Variants in SLC13A1 observed in about 807,000 individuals in gnomAD.
SLC13A1 encodes the protein solute carrier family 13 member 1, also known as Na(+)/sulfate cotransporter.
Under a neutral mutation model 70.0 loss-of-function variants are expected in SLC13A1, and 65 were observed. That is an observed-to-expected ratio of 0.93 (90% CI 0.76 to 1.14). The LOEUF is 1.14. Among genes scored for constraint, SLC13A1 ranks in the 50% most tolerant of loss-of-function variants. SLC13A1 has a pLI of 0.00. For synonymous variants in SLC13A1, 275 were observed against 250.5 expected (o/e 1.10, Z -0.92); for missense variants, 726 against 717.8 (o/e 1.01, Z -0.13).
In SLC13A1 at chr7:123,162,269, G is replaced by T. The variant is rs544145387; in HGVS notation, c.660+6105C>A. Among the ~76,000 whole-genome samples the T allele has an allele frequency of 9.9e-5, 15 of 152,162 alleles. No homozygotes were observed. The East Asian group carries it at 2.5e-3, about 26-fold the overall frequency. On this transcript the variant is annotated intron_variant, in intron 6 of 14. Transcript: ENST00000194130. The stretch of plus-strand genomic sequence containing the variant: ...TAAAATAAAGATATATGGGAGAAAT[G>T]ATATTGTCAAAAGTCAATAGTTTCT...
chr7:123,168,243 C>T, intron 6 of SLC13A1, 131 bp downstream of exon 6: 1 of 612,250 alleles, frequency 1.6e-6, no homozygotes, highest in Non-Finnish European at 2.9e-6. Flanking sequence ...TTACACCATG[C>T]TACTGCTTAG....
intron 1 of SLC13A1, among the ~76,000 whole-genome samples, chr7:123,183,667 A>G (rs1267306463): frequency 6.6e-6 from 1 of 152,204 alleles, no homozygotes; most frequent in Non-Finnish European, 1.5e-5. Flanking sequence ...AATGTAGGAC[A>G]TCAAGCCCTT....
chr7:123,129,609 C>T (rs1793687560), intron 8 of SLC13A1, 128 bp from the exon 9 acceptor site: 1 of 667,934 alleles, frequency 1.5e-6, no homozygotes, highest in Non-Finnish European at 2.7e-6. Flanking sequence ...TATGAATCTC[C>T]CCGTTAATAA....
intron 13 of SLC13A1, 61 bp downstream of exon 13, chr7:123,119,020 C>T: frequency 7.0e-7 from 1 of 1,434,112 alleles, no homozygotes; most frequent in Non-Finnish European, 9.5e-7. Context: ...TGAAAACCAG[C>T]ATTCCGAAGC....
chr7:123,171,950 A>G (rs1296116118), intron 2 of SLC13A1, 46 bp from the exon 3 acceptor site: 3 of 1,573,026 alleles, frequency 1.9e-6, no homozygotes, highest in African/African-American at 1.4e-5. Context: ...GGTGGGGAAA[A>G]ATAACATTGC....
chr7:123,119,269 T>G (rs1793292075), intron 12 of SLC13A1, 27 bp from the exon 13 acceptor site: 1 of 1,467,982 alleles, frequency 6.8e-7, no homozygotes. Flanking sequence ...CAATATTTGT[T>G]ACTCATGAAT....
In SLC13A1 at chr7:123,166,397, A is replaced by AT. The variant is rs58324094; in HGVS notation, c.660+1976dup. On this transcript the variant is annotated intron_variant, in intron 6 of 14. Coordinates refer to ENST00000194130, the MANE Select transcript of SLC13A1 (RefSeq NM_022444.4). ...AACAGCTTTTAAAGCCCATTTCTTT[A>AT]TTTTTTTTTATTATACTTTAAGTTT... Among the ~76,000 whole-genome samples, 1,175 of 151,592 alleles carry AT rather than the reference A, an allele frequency of 7.8e-3. 14 individuals are homozygous for AT. The highest frequency in any genetic ancestry group is 0.027 in the African/African-American group (1,114 of 41,260).
chr7:123,117,486 C>T lies in SLC13A1; in HGVS notation c.1635G>A (p.Leu545=). 1.9e-6 allele frequency: 3 copies of T among 1,613,080 alleles called. No individual in the cohort carries two copies. The highest frequency in any genetic ancestry group is 2.5e-6 in the Non-Finnish European group (3 of 1,179,476). ...GCTAACTCACCATGTCAATGACTTT[C>T]AGATGACCATATGAAAAGACAATAG... ...PNAIVFSYGH[L]KVIDMVKAGL... The change falls in exon 14 of 15, where the codon CTG becomes CTA. Residue 545 remains leucine (L), a synonymous_variant. Coordinates refer to ENST00000194130, the MANE Select transcript of SLC13A1 (RefSeq NM_022444.4).
intron 6 of SLC13A1, among the ~76,000 whole-genome samples, chr7:123,162,793 T>C (rs1021731739): frequency 1.3e-5 from 2 of 152,226 alleles, no homozygotes; most frequent in Non-Finnish European, 2.9e-5. Flanking sequence ...AAAAGTGTTG[T>C]CTTGTACAAT....
chr7:123,178,313 T>C (rs1396927803), intron 2 of SLC13A1, among the ~76,000 whole-genome samples: 1 of 151,968 alleles, frequency 6.6e-6, no homozygotes, highest in Non-Finnish European at 1.5e-5. Context: ...AAGAGAGAGG[T>C]GTTTAGGGCT....
intron 7 of SLC13A1, among the ~76,000 whole-genome samples, chr7:123,146,752 C>T (rs1036606521): frequency 1.3e-5 from 2 of 152,144 alleles, no homozygotes; most frequent in African/African-American, 4.8e-5. Context: ...CCAAGCCTTC[C>T]AAAATTAATA....
intron 2 of SLC13A1, among the ~76,000 whole-genome samples, chr7:123,178,413 T>A (rs184683474): frequency 6.6e-6 from 1 of 152,230 alleles, no homozygotes; most frequent in Non-Finnish European, 1.5e-5. Flanking sequence ...GGAATTATAG[T>A]TTAAAACTCT....
chr7:123,177,833 A>G (rs970014119), intron 2 of SLC13A1, among the ~76,000 whole-genome samples: 21 of 152,110 alleles, frequency 1.4e-4, no homozygotes, highest in African/African-American at 4.8e-4. Context: ...CTAGCTCACT[A>G]TACTGTATAA....
At chr7:123,130,304 G>A (rs1016151632) in intron 8 of SLC13A1, among the ~76,000 whole-genome samples, 8 of 152,096 alleles carry the variant, frequency 5.3e-5, no homozygotes, top group Non-Finnish European at 1.2e-4. Context: ...GCAAAGACAT[G>A]GAATCAACCC....
chr7:123,185,289 A>T (rs1272501462), intron 1 of SLC13A1, among the ~76,000 whole-genome samples: 1 of 152,072 alleles, frequency 6.6e-6, no homozygotes, highest in Non-Finnish European at 1.5e-5. Flanking sequence ...AGTATAATGT[A>T]ATCCCATTTG....
At chr7:123,178,499 C>T (rs1056900874) in intron 2 of SLC13A1, among the ~76,000 whole-genome samples, 2 of 152,104 alleles carry the variant, frequency 1.3e-5, no homozygotes, top group African/African-American at 4.8e-5. Context: ...GTTTAACATA[C>T]ATTATTTAAT....
chr7:123,129,029 GATCGCAGT>G, intron 9 of SLC13A1, 83 bp from the exon 10 acceptor site: 1 of 896,138 alleles, frequency 1.1e-6, no homozygotes, highest in Non-Finnish European at 1.8e-6. Context: ...TGTCAGGAAT[GATCGCAGT>G]AGAACACTAA....
chr7:123,131,952 A>G (rs1295102902), intron 8 of SLC13A1, among the ~76,000 whole-genome samples: 2 of 152,154 alleles, frequency 1.3e-5, no homozygotes, highest in Admixed American at 1.3e-4. Context: ...GGTTGCATAT[A>G]TGTTTGATAA....
intron 7 of SLC13A1, among the ~76,000 whole-genome samples, chr7:123,135,787 A>G (rs1793930465): frequency 6.6e-6 from 1 of 152,174 alleles, no homozygotes. Flanking sequence ...AGGCCCTAGA[A>G]TTATCTTTAG....
Sources: gnomAD v4.1 joint callset for allele counts (sites outside exome capture counted in the v4.1 genomes callset) on GRCh38, gnomAD v4.1.1 for gene constraint, MANE v1.5 for transcripts, NCBI Gene and HGNC (gene_info 2026-07-23, HGNC 2026-07-21) for gene names.